Variants in SLC39A10 observed in about 807,000 individuals in gnomAD.
SLC39A10 encodes the protein zinc transporter ZIP10.
A neutral mutation model predicts 65.1 loss-of-function variants in SLC39A10; 13 were observed. The ratio of observed to expected loss-of-function variants is 0.20; its 90% confidence interval spans 0.13 to 0.32. The LOEUF is 0.32. Ranked by LOEUF, SLC39A10 falls within the 10% of genes least tolerant of loss-of-function variation. The probability of loss-of-function intolerance (pLI) is 1.00; values close to 1 mark genes in which losing one functional copy is unlikely to be tolerated. For missense variants in SLC39A10, 831 were observed against 1,018.4 expected (o/e 0.82, Z 2.50); for synonymous variants, 321 against 342.2 (o/e 0.94, Z 0.68).
intron 1 of SLC39A10, among the ~76,000 whole-genome samples, chr2:195,662,274 C>CT (rs778924026): frequency 0.079 from 11,088 of 140,676 alleles, 646 homozygotes; most frequent in African/African-American, 0.17. Context: ...GTGGTGTTCC[C>CT]TTTTTTTTTT....
At chr2:195,689,730 C>G (rs1690657801) in intron 3 of SLC39A10, among the ~76,000 whole-genome samples, 1 of 152,166 alleles carries the variant, frequency 6.6e-6, no homozygotes, top group Non-Finnish European at 1.5e-5. Flanking sequence ...CCCCCTCTCC[C>G]CAGACCCTGG....
At chr2:195,626,428 C>A (rs1688476458) in intron 2 of SLC39A10, among the ~76,000 whole-genome samples, 1 of 152,176 alleles carries the variant, frequency 6.6e-6, no homozygotes, top group Non-Finnish European at 1.5e-5. Flanking sequence ...TCTTGATTGT[C>A]TGACTATATA....
intron 3 of SLC39A10, among the ~76,000 whole-genome samples, chr2:195,688,834 G>A (rs1690620263): frequency 6.6e-6 from 1 of 152,058 alleles, no homozygotes; most frequent in Non-Finnish European, 1.5e-5. Context: ...AATATATTCC[G>A]ATAATTTTAT....
At chr2:195,615,065 A>G (rs1484882504) in intron 2 of SLC39A10, among the ~76,000 whole-genome samples, 1 of 152,080 alleles carries the variant, frequency 6.6e-6, no homozygotes, top group Non-Finnish European at 1.5e-5. Flanking sequence ...AAAAGCAACA[A>G]AAAAAGGGAA....
At chr2:195,707,431 G>A (rs1691446953) in intron 4 of SLC39A10, among the ~76,000 whole-genome samples, 1 of 152,068 alleles carries the variant, frequency 6.6e-6, no homozygotes, top group African/African-American at 2.4e-5. Flanking sequence ...TGAAAACAAT[G>A]GGGATTTTTC....
At chr2:195,678,648 G>A (rs1690186593) in intron 1 of SLC39A10, among the ~76,000 whole-genome samples, 2 of 147,390 alleles carry the variant, frequency 1.4e-5, no homozygotes, top group African/African-American at 5.0e-5. Flanking sequence ...GTTCTATCTC[G>A]AAGGTCTTAA....
chr2:195,634,312 T>C (rs986979692), intron 2 of SLC39A10, among the ~76,000 whole-genome samples: 17 of 152,244 alleles, frequency 1.1e-4, no homozygotes, highest in Non-Finnish European at 2.1e-4. Flanking sequence ...CTGATTACTA[T>C]ATAACAGAGG....
upstream of SLC39A10, among the ~76,000 whole-genome samples, chr2:195,652,654 G>C (rs1438881236): frequency 2.2e-5 from 2 of 90,430 alleles, no homozygotes; most frequent in Non-Finnish European, 5.7e-5. Context: ...GCTTCAGAGA[G>C]AATAAATTGT....
chr2:195,667,563 CCCT>C (rs1346857357), intron 1 of SLC39A10, among the ~76,000 whole-genome samples: 5 of 152,134 alleles, frequency 3.3e-5, no homozygotes, highest in African/African-American at 1.2e-4. Flanking sequence ...AGACTCCTCC[CCCT>C]CCACCATACT....
intron 2 of SLC39A10, among the ~76,000 whole-genome samples, chr2:195,635,696 G>GA (rs1366400004): frequency 2.8e-5 from 2 of 70,942 alleles, no homozygotes; most frequent in East Asian, 1.8e-3. Context: ...TTTTTTTGTG[G>GA]AACCCCCCCC....
At chr2:195,629,984 C>A (rs915228933) in intron 2 of SLC39A10, among the ~76,000 whole-genome samples, 1 of 152,014 alleles carries the variant, frequency 6.6e-6, no homozygotes, top group Admixed American at 6.6e-5. Flanking sequence ...GATCTGCCCA[C>A]TTTGGCCTCC....
intron 3 of SLC39A10, among the ~76,000 whole-genome samples, chr2:195,691,148 C>T (rs1574276525): frequency 6.6e-6 from 1 of 152,162 alleles, no homozygotes; most frequent in East Asian, 1.9e-4. Context: ...TAATAGTCTC[C>T]AATTCCATCC....
In SLC39A10 at chr2:195,737,080, A is replaced by AAAG. The variant is rs1359312987; in HGVS notation, c.*2043_*2045dup. 12 of 152,596 alleles carry AAAG rather than the reference A, an allele frequency of 7.9e-5. No homozygotes were observed. Among genetic ancestry groups the AAAG allele is most frequent in the South Asian group, 2.1e-4 (1 of 4,832 alleles). The allele number at this position is 152,596 out of a possible 1,614,324, so 9.5% of individuals were successfully genotyped here. ...GCAAGTAGGTTATGCTGAAGTATAT[A>AAAG]AAGAAGTTTTATATTCTCTCAAAAA... On this transcript the variant is annotated 3_prime_UTR_variant, in exon 10 of 10. Coordinates refer to ENST00000359634, the MANE Select transcript of SLC39A10 (RefSeq NM_020342.3).
upstream of SLC39A10, among the ~76,000 whole-genome samples, chr2:195,654,858 T>C (rs1377848818): frequency 6.6e-6 from 1 of 151,420 alleles, no homozygotes; most frequent in African/African-American, 2.4e-5. Context: ...TTTTCTGAGA[T>C]TCCTTTTCTC....
At chr2:195,697,523 T>C (rs962386373) in intron 3 of SLC39A10, among the ~76,000 whole-genome samples, 1 of 152,178 alleles carries the variant, frequency 6.6e-6, no homozygotes, top group African/African-American at 2.4e-5. Flanking sequence ...TTGTACAGAT[T>C]AGTCACCCAG....
chr2:195,681,866 G>C (rs979307245), intron 2 of SLC39A10, among the ~76,000 whole-genome samples: 1 of 151,992 alleles, frequency 6.6e-6, no homozygotes, highest in Non-Finnish European at 1.5e-5. Flanking sequence ...CTATTGAGTG[G>C]TTCCAAGTCA....
chr2:195,716,411 C>G (rs1691811754), intron 6 of SLC39A10, among the ~76,000 whole-genome samples: 1 of 152,052 alleles, frequency 6.6e-6, no homozygotes, highest in African/African-American at 2.4e-5. Context: ...AACCCAATTT[C>G]TTCTTTGTGT....
intron 9 of SLC39A10, among the ~76,000 whole-genome samples, chr2:195,729,182 A>G (rs562887269): frequency 2.0e-4 from 30 of 152,026 alleles, no homozygotes; most frequent in Middle Eastern, 6.8e-3. Context: ...GGGTCTTTCT[A>G]TGTTGCCCAG....
At chr2:195,709,536 C>G (rs1691534422) in intron 5 of SLC39A10, among the ~76,000 whole-genome samples, 1 of 151,994 alleles carries the variant, frequency 6.6e-6, no homozygotes, top group Admixed American at 6.6e-5. Flanking sequence ...CTGGTGCCCT[C>G]TAACTATTAA....
Sources: gnomAD v4.1 joint callset for allele counts (sites outside exome capture counted in the v4.1 genomes callset) on GRCh38, gnomAD v4.1.1 for gene constraint, MANE v1.5 for transcripts, NCBI Gene and HGNC (gene_info 2026-07-23, HGNC 2026-07-21) for gene names.